FBXO21: variants seen among roughly 807,000 people sequenced by gnomAD.
FBXO21 encodes the protein F-box only protein 21.
FBXO21 carries 32 observed loss-of-function variants against 76.6 expected under a neutral mutation model. The observed-to-expected ratio is 0.42, with a 90% CI of 0.32 to 0.56. The LOEUF is 0.56. FBXO21 is among the 20% of genes least tolerant of loss of function. FBXO21 has a pLI of 0.16. For missense variants in FBXO21, 586 were observed against 797.3 expected, an observed-to-expected ratio of 0.73 and a Z score of 3.19; for synonymous variants, 328 against 311.5, an observed-to-expected ratio of 1.05 and a Z score of -0.56.
intron 4 of FBXO21, among the ~76,000 whole-genome samples, chr12:117,175,087 G>A (rs1172189344): frequency 1.3e-5 from 2 of 152,040 alleles, no homozygotes; most frequent in Non-Finnish European, 2.9e-5. Flanking sequence ...CTATTACAAA[G>A]AGAAGTAAAT....
intron 4 of FBXO21, among the ~76,000 whole-genome samples, chr12:117,175,867 T>C (rs1438981743): frequency 6.6e-6 from 1 of 152,228 alleles, no homozygotes; most frequent in Non-Finnish European, 1.5e-5. Context: ...GGAAGTTCTT[T>C]GAAAATTATA....
At chr12:117,174,918 T>C (rs1956158678) in intron 4 of FBXO21, 121 bp from the exon 5 acceptor site, 1 of 1,004,850 alleles carries the variant, frequency 1.0e-6, no homozygotes, top group South Asian at 1.9e-5. Context: ...ACAAGCTTCA[T>C]GTTTTGGCCA....
chr12:117,146,939 C>T (rs1955777666), intron 11 of FBXO21, among the ~76,000 whole-genome samples: 1 of 152,064 alleles, frequency 6.6e-6, no homozygotes, highest in Non-Finnish European at 1.5e-5. Flanking sequence ...CTCTATTTTG[C>T]CACTAGAGAA....
At chr12:117,159,752 T>A (rs970255692) in intron 9 of FBXO21, among the ~76,000 whole-genome samples, 1 of 152,148 alleles carries the variant, frequency 6.6e-6, no homozygotes, top group African/African-American at 2.4e-5. Context: ...CTCCACTGTG[T>A]TCCACACACA....
In FBXO21 at chr12:117,172,557, C is replaced by T. The variant is rs1956128437; in HGVS notation, c.927G>A (p.Leu309=). ...GIPISMSLLY[L]TIARQLGVPL... ...GGACTCCCAACTGCCGAGCAATTGT[C>T]AAATAGAGCAGAGACATGCTGATTG... The change falls in exon 7 of 12, where the codon TTG becomes TTA. Residue 309 remains leucine, a synonymous_variant. Transcript: ENST00000622495. 6 of 1,614,048 alleles carry T rather than the reference C, an allele frequency of 3.7e-6. No individual in the cohort carries two copies. Among genetic ancestry groups the T allele is most frequent in the Middle Eastern group, 1.7e-4 (1 of 6,060 alleles).
In FBXO21 at chr12:117,166,980, C is replaced by T. The variant is rs1371681932; in HGVS notation, c.1111G>A (p.Val371Met). The T allele has an allele frequency of 6.2e-6, 10 of 1,614,008 alleles. No homozygotes were observed. The highest frequency in any genetic ancestry group is 4.4e-5 in the South Asian group (4 of 91,082). ...ACCACCCCATACAGTGCTGCAGTCA[C>T]GTGCTGGCCGATCAAGTACTCGCAT... ...KECEYLIGQH[V>M]TAALYGVVNV... Residue 371 changes from valine to methionine, a missense_variant, in exon 8 of 12, where the codon GTG becomes ATG. Physicochemically the swap from Val to Met is conservative, Grantham distance 21. Around this residue, in one of 6 missense-constraint regions of FBXO21, gnomAD observed 246 missense variants for 356.8 expected, o/e 0.69. Coordinates refer to ENST00000622495, the MANE Select transcript of FBXO21 (RefSeq NM_015002.3).
intron 8 of FBXO21, among the ~76,000 whole-genome samples, chr12:117,166,190 CAAAAAAA>C (rs34746643): frequency 9.3e-6 from 1 of 107,786 alleles, no homozygotes; most frequent in South Asian, 3.0e-4. Flanking sequence ...AACTATGTCT[CAAAAAAA>C]AAAAAAAAAA....
rs749875588 is a variant in FBXO21 at position 117,142,934 on chromosome 12, T to C, written c.*3153A>G. On this transcript the variant is annotated 3_prime_UTR_variant, in exon 12 of 12. Transcript: ENST00000622495. ...GGGACTTTAAGTAGATAGTATGCAA[T>C]GGAAAACTGAGCCGGCAACAGTACT... 28 of 152,134 alleles carry C rather than the reference T, an allele frequency of 1.8e-4. No homozygotes were observed. The highest frequency in any genetic ancestry group is 3.4e-4 in the Non-Finnish European group (23 of 68,022). The allele number at this position is 152,134 out of a possible 1,614,324, so 9.4% of individuals were successfully genotyped here.
chr12:117,150,467 T>A (rs1341454203), intron 11 of FBXO21, among the ~76,000 whole-genome samples: 1 of 152,228 alleles, frequency 6.6e-6, no homozygotes, highest in South Asian at 2.1e-4. Flanking sequence ...AGCACACACA[T>A]AGGCAGCTAG....
At chr12:117,179,848 C>A (rs1956211255) in intron 3 of FBXO21, among the ~76,000 whole-genome samples, 1 of 152,152 alleles carries the variant, frequency 6.6e-6, no homozygotes, top group Non-Finnish European at 1.5e-5. Context: ...TTATTTGATC[C>A]CCCATGATAC....
rs578016266 is a variant in FBXO21, at chr12:117,172,721, G to C, written c.877-114C>G. ...CATTGGGCATGATGCTCATTTGTGAGGCTTAAGTGAGTATTTCACTTATTT... is the reference window on the plus strand; with the variant it reads ...CATTGGGCATGATGCTCATTTGTGACGCTTAAGTGAGTATTTCACTTATTT... On this transcript the variant is annotated intron_variant, in intron 6 of 11. Coordinates refer to ENST00000622495, the MANE Select transcript of FBXO21 (RefSeq NM_015002.3). The C allele has an allele frequency of 1.6e-5, 18 of 1,097,010 alleles. No homozygotes were observed. In the Admixed American group the frequency reaches 3.6e-4, roughly 22 times the overall value. 68.0% of individuals were successfully genotyped at this position (1,097,010 alleles called of 1,614,324 possible).
chr12:117,158,506 C>A (rs757731429), intron 9 of FBXO21, among the ~76,000 whole-genome samples: 1 of 151,952 alleles, frequency 6.6e-6, no homozygotes, highest in South Asian at 2.1e-4. Context: ...TTGCCACTCA[C>A]GAATTCAGAG....
At position 117,143,476 on chromosome 12, in the gene FBXO21, G is replaced by C. The variant is rs967307850; in HGVS notation, c.*2611C>G. 2.0e-5 allele frequency: 3 copies of C among 152,204 alleles called. No homozygotes were observed. The highest frequency in any genetic ancestry group is 4.4e-5 in the Non-Finnish European group (3 of 68,048). The allele number at this position is 152,204 out of a possible 1,614,324, so 9.4% of individuals were successfully genotyped here. ...TCAAATCAACGGCAACAGAACGCAC[G>C]AAGAACCTGGTTTTCTTTCAAAGCA... On this transcript the variant is annotated 3_prime_UTR_variant, in exon 12 of 12. Coordinates refer to ENST00000622495, the MANE Select transcript of FBXO21 (RefSeq NM_015002.3).
intron 9 of FBXO21, 64 bp from the exon 10 acceptor site, chr12:117,158,127 C>T (rs773350164): frequency 6.3e-6 from 10 of 1,592,838 alleles, no homozygotes; most frequent in Admixed American, 5.1e-5. Flanking sequence ...TTTTTTGCGG[C>T]GAGGGATTTA....
Position 117,167,097 on chromosome 12 carries a change from T to A in FBXO21, c.1014-20A>T. ...GTCGCCCTATCCAAAGAGCCAAATA[T>A]CAGATGAGAGCTGAACAACTCATTA... is the stretch of plus-strand genomic sequence containing the variant. On this transcript the variant is annotated intron_variant, in intron 7 of 11. Coordinates refer to ENST00000622495, the MANE Select transcript of FBXO21 (RefSeq NM_015002.3). 1 of 1,602,252 alleles carries A rather than the reference T, an allele frequency of 6.2e-7. No individual in the cohort carries two copies. Among genetic ancestry groups the A allele is most frequent in the South Asian group, 1.1e-5 (1 of 90,770 alleles).
intron 8 of FBXO21, 100 bp from the exon 9 acceptor site, chr12:117,165,717 C>A: frequency 8.3e-7 from 1 of 1,203,938 alleles, no homozygotes; most frequent in East Asian, 2.4e-5. Flanking sequence ...ACACAAATCC[C>A]AAACGTTTTC....
At chr12:117,184,500 T>A (rs868511316) in intron 3 of FBXO21, among the ~76,000 whole-genome samples, 1 of 152,154 alleles carries the variant, frequency 6.6e-6, no homozygotes, top group South Asian at 2.1e-4. Context: ...ACGCCCATAA[T>A]CTCAGCACTC....
Position 117,147,207 on chromosome 12 carries a change from AC to A in FBXO21, c.1676-931del, listed in dbSNP as rs1955781088. On this transcript the variant is annotated intron_variant, in intron 11 of 11. Coordinates refer to ENST00000622495, the MANE Select transcript of FBXO21 (RefSeq NM_015002.3). Reference sequence around the variant, plus strand: ...CAGTGAGCTGAGATTATGCCATTGCACTCCAGCCTGGACAACAAGAGCAAAA... The same window carrying A: ...CAGTGAGCTGAGATTATGCCATTGCATCCAGCCTGGACAACAAGAGCAAAA... 2.0e-5 allele frequency among the ~76,000 whole-genome samples: 3 copies of A among 150,606 alleles called. No homozygotes were observed. In the East Asian group the frequency reaches 5.9e-4, roughly 29 times the overall value.
At chr12:117,150,109 T>C (rs1046021180) in intron 11 of FBXO21, among the ~76,000 whole-genome samples, 1 of 152,204 alleles carries the variant, frequency 6.6e-6, no homozygotes, top group South Asian at 2.1e-4. Flanking sequence ...TTGGCAACTA[T>C]GTATTATGAA....
Sources: allele counts gnomAD v4.1 joint callset (sites outside exome capture counted in the v4.1 genomes callset), GRCh38; gene constraint gnomAD v4.1.1; regional missense constraint gnomAD v4.1.1; transcripts MANE v1.5; gene names NCBI Gene and HGNC (gene_info 2026-07-23, HGNC 2026-07-21).